CCDC102B: variants seen among roughly 807,000 people sequenced by gnomAD.
CCDC102B encodes coiled-coil domain-containing protein 102B.
A neutral mutation model predicts 57.4 loss-of-function variants in CCDC102B; 75 were observed. That is an observed-to-expected ratio of 1.31 (90% confidence interval 1.08 to 1.58). The LOEUF is 1.58. Ranked by LOEUF, CCDC102B falls within the 40% of genes most tolerant of loss-of-function variation. The pLI is 0.00. For synonymous variants in CCDC102B, 206 were observed against 201.9 expected, an observed-to-expected ratio of 1.02 and a Z score of -0.17; for missense variants, 636 against 582.6, an observed-to-expected ratio of 1.09 and a Z score of -0.94.
At chr18:68,946,899 A>G (rs2049556054) in intron 6 of CCDC102B, among the ~76,000 whole-genome samples, 1 of 152,018 alleles carries the variant, frequency 6.6e-6, no homozygotes, top group Admixed American at 6.6e-5. Flanking sequence ...CTTGGTTTCT[A>G]TATAGTAAAT....
intron 7 of CCDC102B, among the ~76,000 whole-genome samples, chr18:69,026,186 C>G (rs1284252514): frequency 1.3e-5 from 2 of 152,134 alleles, no homozygotes; most frequent in African/African-American, 4.8e-5. Context: ...TCCAGTCTTG[C>G]CGGGCACGGT....
At chr18:68,792,179 A>G (rs1450362015) in intron 2 of CCDC102B, among the ~76,000 whole-genome samples, 1 of 152,174 alleles carries the variant, frequency 6.6e-6, no homozygotes, top group African/African-American at 2.4e-5. Flanking sequence ...TTTAATCCTA[A>G]TTTTATCAGC....
At chr18:68,828,332 A>G (rs1360893956) in intron 1 of CCDC102B, among the ~76,000 whole-genome samples, 4 of 150,114 alleles carry the variant, frequency 2.7e-5, no homozygotes, top group Admixed American at 1.3e-4. Context: ...CAAAAAAAAA[A>G]AAAAAAAAAA....
rs1413900269 is a variant in CCDC102B, at chr18:69,029,012, G to C, written c.1434+17908G>C. Among the ~76,000 whole-genome samples, 3 of 152,134 alleles carry C rather than the reference G, an allele frequency of 2.0e-5. No individual in the cohort carries two copies. The East Asian group carries it at 5.8e-4, about 29-fold the overall frequency. ...AATTTGGGGAAAATTGGAACTCCAA[G>C]TTTTATGCGTGATGTTTATCTCACT... is the stretch of plus-strand genomic sequence containing the variant. On this transcript the variant is annotated intron_variant, in intron 7 of 7. Coordinates refer to ENST00000360242, the MANE Select transcript of CCDC102B (RefSeq NM_024781.3).
At chr18:68,945,078 G>GTC (rs1282814149) in intron 6 of CCDC102B, among the ~76,000 whole-genome samples, 14 of 53,308 alleles carry the variant, frequency 2.6e-4, no homozygotes, top group African/African-American at 9.1e-4. Context: ...GTGTGTGTGT[G>GTC]TCTCTCTCTC....
chr18:69,003,427 T>C (rs2145366829), intron 6 of CCDC102B, among the ~76,000 whole-genome samples: 1 of 152,320 alleles, frequency 6.6e-6, no homozygotes, highest in Admixed American at 6.5e-5. Context: ...TTATCTTTGC[T>C]GCTTCTCCTC....
intron 5 of CCDC102B, among the ~76,000 whole-genome samples, chr18:68,881,671 G>C (rs1016409088): frequency 1.3e-5 from 2 of 152,096 alleles, no homozygotes; most frequent in Admixed American, 1.3e-4. Flanking sequence ...ATCTGCTCCA[G>C]CCTTTGGATT....
chr18:68,896,394 C>A (rs1224232874), intron 5 of CCDC102B, among the ~76,000 whole-genome samples: 2 of 151,850 alleles, frequency 1.3e-5, no homozygotes, highest in African/African-American at 2.4e-5. Context: ...TAATAAAAAT[C>A]TCCTCATGTT....
chr18:68,985,312 C>T (rs2050695533), intron 6 of CCDC102B, among the ~76,000 whole-genome samples: 1 of 152,044 alleles, frequency 6.6e-6, no homozygotes, highest in Non-Finnish European at 1.5e-5. Flanking sequence ...TTTTGAAGTG[C>T]CATCCACAGG....
At chr18:68,877,050 T>C (rs1003084059) in intron 5 of CCDC102B, among the ~76,000 whole-genome samples, 102 of 152,240 alleles carry the variant, frequency 6.7e-4, no homozygotes, top group African/African-American at 2.2e-3. Context: ...TTAAACTATA[T>C]AGTTTGAAAT....
chr18:69,013,884 G>A (rs965308517), intron 7 of CCDC102B, among the ~76,000 whole-genome samples: 33 of 152,172 alleles, frequency 2.2e-4, no homozygotes, highest in African/African-American at 6.3e-4. Context: ...AAATTAGGAT[G>A]TTTTTGAACA....
At chr18:69,032,034 T>G (rs770323150) in intron 7 of CCDC102B, among the ~76,000 whole-genome samples, 1 of 152,094 alleles carries the variant, frequency 6.6e-6, no homozygotes, top group Non-Finnish European at 1.5e-5. Context: ...TATATCAAGA[T>G]TCAGTAATAT....
chr18:69,041,347 C>A (rs1263896141), intron 7 of CCDC102B, among the ~76,000 whole-genome samples: 1 of 151,998 alleles, frequency 6.6e-6, no homozygotes, highest in East Asian at 1.9e-4. Context: ...CTTATAGTTA[C>A]CCCGATAGTG....
intron 6 of CCDC102B, among the ~76,000 whole-genome samples, chr18:68,904,090 A>G (rs1661324353): frequency 6.9e-6 from 1 of 145,782 alleles, no homozygotes. Context: ...CATTCACTTA[A>G]GAATACACAA....
At position 68,879,115 on chromosome 18, in the gene CCDC102B, A is replaced by G. The variant is rs1260361271; in HGVS notation, c.1053+4330A>G. On this transcript the variant is annotated intron_variant, in intron 5 of 7. Coordinates refer to ENST00000360242, the MANE Select transcript of CCDC102B (RefSeq NM_024781.3). ...ATGTCTGGAGTTGTTCATTCCTCCC[A>G]GTGGGCTCGTGGTCTCGCTGGTTTC... 1.1e-3 allele frequency among the ~76,000 whole-genome samples: 149 copies of G among 138,012 alleles called. 1 individual carries two copies. The highest frequency in any genetic ancestry group is 4.0e-3 in the African/African-American group (146 of 36,148). 90.5% of individuals were successfully genotyped at this position (138,012 alleles called of 152,430 possible). A position where few individuals can be genotyped will look rare whatever the true frequency, so the allele number is the denominator to read the frequency against.
intron 6 of CCDC102B, among the ~76,000 whole-genome samples, chr18:68,901,703 ATCTT>A (rs1319460487): frequency 1.3e-5 from 2 of 152,152 alleles, no homozygotes; most frequent in Non-Finnish European, 2.9e-5. Flanking sequence ...GAGTGCCCCT[ATCTT>A]TCCAGTCTCT....
intron 2 of CCDC102B, among the ~76,000 whole-genome samples, chr18:68,758,276 A>G (rs2034126618): frequency 6.6e-6 from 1 of 151,654 alleles, no homozygotes; most frequent in Non-Finnish European, 1.5e-5. Flanking sequence ...GAGGTATCAC[A>G]TATGTATATA....
chr18:68,915,005 AAG>A (rs374936955), intron 6 of CCDC102B, among the ~76,000 whole-genome samples: 59 of 148,128 alleles, frequency 4.0e-4, no homozygotes, highest in Middle Eastern at 3.4e-3. Context: ...GACAGACAGA[AAG>A]AGAGAGAGAG....
intron 2 of CCDC102B, among the ~76,000 whole-genome samples, chr18:68,746,577 A>G (rs2033628384): frequency 6.6e-6 from 1 of 152,120 alleles, no homozygotes; most frequent in South Asian, 2.1e-4. Flanking sequence ...TCATTTCAAG[A>G]AAAACACAAT....
Sources: gnomAD v4.1 joint callset for allele counts (sites outside exome capture counted in the v4.1 genomes callset) on GRCh38, gnomAD v4.1.1 for gene constraint, MANE v1.5 for transcripts, NCBI Gene and HGNC (gene_info 2026-07-23, HGNC 2026-07-21) for gene names.